The following RANBP17 variants were observed in gnomAD, a reference collection of about 807,000 sequenced individuals.
RANBP17 encodes the protein RAN binding protein 17, also known as ran-binding protein 17.
In RANBP17, 158 loss-of-function variants were observed where a neutral mutation model predicts 141.2. The ratio of observed to expected loss-of-function variants is 1.12; its 90% CI spans 0.98 to 1.28. The LOEUF (loss-of-function observed/expected upper bound fraction) is 1.28. RANBP17 is among the 50% of genes most tolerant of loss of function. The pLI is 0.00. For missense variants in RANBP17, 1,438 were observed against 1,290.7 expected (o/e 1.11, Z -1.75); for synonymous variants, 430 against 450.0 (o/e 0.96, Z 0.56).
At position 171,184,121 on chromosome 5, in the gene RANBP17, T is replaced by C. The variant is rs1292769303; in HGVS notation, c.2038+691T>C. ...TGACTGTACAATCCAGCAATCCTAC[T>C]ACTGGGTGTATAGGTATCCAAAGGA... On this transcript the variant is annotated intron_variant, in intron 18 of 27. Coordinates refer to ENST00000523189, the MANE Select transcript of RANBP17 (RefSeq NM_022897.5). Among the ~76,000 whole-genome samples, 3 of 152,188 alleles carry C rather than the reference T, an allele frequency of 2.0e-5. 1 individual carries two copies. The highest frequency in any genetic ancestry group is 4.8e-5 in the African/African-American group (2 of 41,450).
At chr5:171,049,570 C>T (rs1281696780) in intron 14 of RANBP17, among the ~76,000 whole-genome samples, 2 of 152,084 alleles carry the variant, frequency 1.3e-5, no homozygotes, top group Non-Finnish European at 2.9e-5. Context: ...ATGGCATTTT[C>T]TAGGTTAGTT....
At chr5:171,237,989 T>C (rs1357732600) in intron 22 of RANBP17, among the ~76,000 whole-genome samples, 5 of 152,158 alleles carry the variant, frequency 3.3e-5, no homozygotes, top group Admixed American at 6.5e-5. Context: ...ATAATACATA[T>C]TGAATAAAGC....
chr5:170,967,655 TTAA>T (rs948314038), intron 13 of RANBP17, among the ~76,000 whole-genome samples: 4 of 151,526 alleles, frequency 2.6e-5, no homozygotes, highest in African/African-American at 7.2e-5. Flanking sequence ...TGATTTTCTC[TTAA>T]TAATAGTTTA....
At chr5:170,916,159 C>T (rs1403685774) in intron 8 of RANBP17, among the ~76,000 whole-genome samples, 5 of 105,946 alleles carry the variant, frequency 4.7e-5, no homozygotes, top group African/African-American at 1.3e-4. Flanking sequence ...CATTATAATG[C>T]GTTATATTCT....
chr5:171,274,150 G>GCA (rs1767341873), intron 25 of RANBP17, among the ~76,000 whole-genome samples: 3 of 64,414 alleles, frequency 4.7e-5, no homozygotes, highest in East Asian at 3.3e-4. Flanking sequence ...GTGTGTGTGT[G>GCA]CGCGCGCGCG....
At chr5:170,998,305 T>C (rs967663729) in intron 14 of RANBP17, among the ~76,000 whole-genome samples, 6 of 152,154 alleles carry the variant, frequency 3.9e-5, no homozygotes, top group African/African-American at 1.4e-4. Flanking sequence ...GTTGGAGCAA[T>C]TGCCATTTCA....
intron 14 of RANBP17, among the ~76,000 whole-genome samples, chr5:171,159,657 C>T (rs1223496740): frequency 1.3e-5 from 2 of 152,126 alleles, no homozygotes; most frequent in East Asian, 1.9e-4. Flanking sequence ...CACAGTGGCT[C>T]ACGCCTATAA....
chr5:171,057,216 A>G (rs1424642697), intron 14 of RANBP17, among the ~76,000 whole-genome samples: 2 of 152,138 alleles, frequency 1.3e-5, no homozygotes, highest in Admixed American at 6.6e-5. Context: ...ACTTTAGCCA[A>G]TATGTTCACA....
chr5:171,240,975 C>T lies in RANBP17; in HGVS notation c.2470C>T (p.Pro824Ser). The T allele has an allele frequency of 6.2e-7, 1 of 1,613,862 alleles. No individual in the cohort carries two copies. Among genetic ancestry groups the T allele is most frequent in the Non-Finnish European group, 8.5e-7 (1 of 1,179,838 alleles). Residue 824 changes from proline to serine, a missense_variant, in exon 23 of 28, where the codon CCA becomes TCA. Pro to Ser is a moderately conservative substitution (Grantham distance 74). Transcript: ENST00000523189. The stretch of plus-strand genomic sequence containing the variant: ...GAGCCTCTCAAAAGATCAGATTTAT[C>T]CAATGAAACTCAAGGGCATCTCCAT... The part of the protein sequence containing the change: ...LGSLSKDQIY[P>S]MKLKGISICY...
chr5:170,989,856 T>C (rs1362404703), intron 14 of RANBP17, among the ~76,000 whole-genome samples: 1 of 151,762 alleles, frequency 6.6e-6, no homozygotes, highest in Non-Finnish European at 1.5e-5. Context: ...CTTTCATGTA[T>C]ACAGTATGAT....
At chr5:171,183,488 AAAG>A (rs1442347602) in intron 18 of RANBP17, 58 bp downstream of exon 18, 7 of 1,169,950 alleles carry the variant, frequency 6.0e-6, no homozygotes, top group Admixed American at 1.8e-5. Context: ...TTGTGTGAAT[AAAG>A]AAGTGGAGTA....
intron 14 of RANBP17, among the ~76,000 whole-genome samples, chr5:171,038,162 T>TTGTG (rs61652416): frequency 0.039 from 5,709 of 144,764 alleles, 185 homozygotes; most frequent in South Asian, 0.11. Context: ...TTCTTAGGTA[T>TTGTG]TGTGTGTGTG....
intron 14 of RANBP17, among the ~76,000 whole-genome samples, chr5:171,088,660 T>G (rs1285192664): frequency 6.6e-6 from 1 of 152,088 alleles, no homozygotes; most frequent in African/African-American, 2.4e-5. Flanking sequence ...CTTTGCTCCT[T>G]TCTTTTTATT....
At chr5:170,891,721 T>C (rs906196768) in intron 3 of RANBP17, among the ~76,000 whole-genome samples, 2 of 152,048 alleles carry the variant, frequency 1.3e-5, no homozygotes, top group African/African-American at 4.8e-5. Flanking sequence ...TAGTGAAAAT[T>C]ACTATCATGA....
intron 14 of RANBP17, among the ~76,000 whole-genome samples, chr5:171,079,498 A>AT (rs938542617): frequency 4.6e-5 from 7 of 152,302 alleles, no homozygotes; most frequent in African/African-American, 1.7e-4. Flanking sequence ...TTGCAGAGGA[A>AT]TTTTTTGTGA....
chr5:171,081,656 T>G (rs1207061743), intron 14 of RANBP17, among the ~76,000 whole-genome samples: 1 of 152,152 alleles, frequency 6.6e-6, no homozygotes, highest in Non-Finnish European at 1.5e-5. Flanking sequence ...ATCAACTTAG[T>G]TTTGTAATAA....
At chr5:170,932,358 G>T (rs1773464752) in intron 12 of RANBP17, among the ~76,000 whole-genome samples, 1 of 152,126 alleles carries the variant, frequency 6.6e-6, no homozygotes, top group East Asian at 1.9e-4. Flanking sequence ...TGCAAACAGG[G>T]ACAATTTGAC....
At chr5:171,264,664 T>C (rs1210922888) in intron 24 of RANBP17, among the ~76,000 whole-genome samples, 2 of 152,248 alleles carry the variant, frequency 1.3e-5, no homozygotes, top group East Asian at 3.8e-4. Context: ...TTATTACCAA[T>C]GAACTTCTTG....
intron 12 of RANBP17, among the ~76,000 whole-genome samples, chr5:170,938,356 G>A (rs1475967970): frequency 1.3e-5 from 2 of 152,140 alleles, no homozygotes; most frequent in African/African-American, 4.8e-5. Flanking sequence ...ATAATTTAGG[G>A]CCTTGGAAAT....
Sources: allele counts gnomAD v4.1 joint callset (sites outside exome capture counted in the v4.1 genomes callset), GRCh38; gene constraint gnomAD v4.1.1; transcripts MANE v1.5; gene names NCBI Gene and HGNC (gene_info 2026-07-23, HGNC 2026-07-21).